BFSP2: variants seen among roughly 807,000 people sequenced by gnomAD.
BFSP2 encodes phakinin.
BFSP2 carries 38 observed loss-of-function variants against 44.9 expected under a neutral mutation model. That is an observed-to-expected ratio of 0.85 (90% CI 0.65 to 1.11). The LOEUF is 1.11. Among genes scored for constraint, BFSP2 ranks in the 50% least tolerant of loss-of-function variants. BFSP2 has a pLI of 0.00. For missense variants in BFSP2, 525 were observed against 533.0 expected (o/e 0.99, Z 0.15); for synonymous variants, 197 against 209.9 (o/e 0.94, Z 0.53).
chr3:133,452,870 T>C (rs905664084), intron 4 of BFSP2, among the ~76,000 whole-genome samples: 25 of 151,954 alleles, frequency 1.6e-4, no homozygotes, highest in Non-Finnish European at 2.4e-4. Context: ...CAGACTATTA[T>C]AATTATCAGA....
At chr3:133,453,076 G>A (rs1224302707) in intron 4 of BFSP2, among the ~76,000 whole-genome samples, 4 of 152,200 alleles carry the variant, frequency 2.6e-5, no homozygotes, top group African/African-American at 9.7e-5. Context: ...CTTGGCCAAT[G>A]CTGCCTGGGC....
chr3:133,463,588 T>A (rs765194557), intron 4 of BFSP2, among the ~76,000 whole-genome samples: 2 of 152,234 alleles, frequency 1.3e-5, no homozygotes, highest in Admixed American at 1.3e-4. Context: ...ATTCTTCTCT[T>A]ACCAGCTAAA....
intron 1 of BFSP2, among the ~76,000 whole-genome samples, chr3:133,428,098 A>G (rs2073670385): frequency 6.6e-6 from 1 of 152,198 alleles, no homozygotes; most frequent in African/African-American, 2.4e-5. Flanking sequence ...TCCACTCTCG[A>G]CAGACTAAAG....
intron 1 of BFSP2, chr3:133,429,355 G>C (rs992435180): frequency 6.6e-6 from 1 of 152,254 alleles, no homozygotes; most frequent in African/African-American, 2.4e-5. Flanking sequence ...CAAGATCAAA[G>C]TGTCAGCAGG....
rs1559987797 is a variant in BFSP2, at chr3:133,474,973, T to C, written c.*1T>C. ...CTCCTATGTGTTTCCTTTCAGCTGA[T>C]GGAGAAACTTCCTCTTTTTCATGAA... On this transcript the variant is annotated 3_prime_UTR_variant, in exon 7 of 7. Transcript: ENST00000302334. The C allele has an allele frequency of 1.2e-6, 2 of 1,614,204 alleles. No homozygotes were observed. The highest frequency in any genetic ancestry group is 1.7e-5 in the Admixed American group (1 of 60,030).
intron 1 of BFSP2, among the ~76,000 whole-genome samples, chr3:133,414,937 C>T (rs1337400264): frequency 5.1e-5 from 6 of 116,772 alleles, no homozygotes; most frequent in Non-Finnish European, 1.1e-4. Context: ...CTGCTCACCC[C>T]TCTACTCACC....
intron 1 of BFSP2, among the ~76,000 whole-genome samples, chr3:133,428,219 T>C (rs1277448036): frequency 6.6e-6 from 1 of 152,136 alleles, no homozygotes. Context: ...AGGGTTCTCT[T>C]GTGGGCCACG....
At chr3:133,472,647 G>A in intron 6 of BFSP2, 82 bp downstream of exon 6, 3 of 1,514,798 alleles carry the variant, frequency 2.0e-6, no homozygotes, top group Non-Finnish European at 2.7e-6. Context: ...CACTGTAGAA[G>A]TATTTAAGAA....
At chr3:133,452,763 C>A (rs986473228) in intron 4 of BFSP2, among the ~76,000 whole-genome samples, 2 of 152,190 alleles carry the variant, frequency 1.3e-5, no homozygotes, top group Non-Finnish European at 2.9e-5. Context: ...GCTTCTAAAG[C>A]TAAACCTCAG....
intron 1 of BFSP2, among the ~76,000 whole-genome samples, chr3:133,423,444 GTCA>G (rs1559963046): frequency 2.0e-5 from 3 of 151,656 alleles, no homozygotes; most frequent in Non-Finnish European, 4.4e-5. Context: ...AGTAATCTGC[GTCA>G]TCATTTATAG....
At chr3:133,418,378 G>A (rs935840070) in intron 1 of BFSP2, among the ~76,000 whole-genome samples, 1 of 152,092 alleles carries the variant, frequency 6.6e-6, no homozygotes. Flanking sequence ...GTTCATCTGC[G>A]CAATGAAGAT....
At chr3:133,449,831 A>G (rs2073939971) in intron 3 of BFSP2, among the ~76,000 whole-genome samples, 1 of 151,786 alleles carries the variant, frequency 6.6e-6, no homozygotes, top group African/African-American at 2.4e-5. Context: ...GGAGGCTGCA[A>G]TGAGCTGAGA....
At chr3:133,450,837 C>G (rs559205415) in intron 4 of BFSP2, among the ~76,000 whole-genome samples, 5 of 152,150 alleles carry the variant, frequency 3.3e-5, no homozygotes, top group Non-Finnish European at 5.9e-5. Flanking sequence ...TGAGGCCGGG[C>G]GTGGTAGCTC....
At chr3:133,472,643 A>C (rs2074175992) in intron 6 of BFSP2, 78 bp downstream of exon 6, 1 of 1,519,744 alleles carries the variant, frequency 6.6e-7, no homozygotes, top group East Asian at 2.4e-5. Flanking sequence ...CAAACACTGT[A>C]GAAGTATTTA....
intron 1 of BFSP2, among the ~76,000 whole-genome samples, chr3:133,437,511 G>A (rs112987084): frequency 4.3e-4 from 65 of 149,782 alleles, no homozygotes; most frequent in Non-Finnish European, 7.5e-4. Flanking sequence ...CAACAAGAGC[G>A]AAACTCAGTC....
chr3:133,454,056 T>C (rs1339844276), intron 4 of BFSP2, among the ~76,000 whole-genome samples: 1 of 152,228 alleles, frequency 6.6e-6, no homozygotes, highest in African/African-American at 2.4e-5. Context: ...CCTTGTCTAT[T>C]TGTTGTGGTT....
chr3:133,401,448 T>C (rs2073362029), intron 1 of BFSP2, among the ~76,000 whole-genome samples: 1 of 152,214 alleles, frequency 6.6e-6, no homozygotes, highest in Non-Finnish European at 1.5e-5. Flanking sequence ...AGCTAATGGC[T>C]ATCTTATTGG....
intron 1 of BFSP2, among the ~76,000 whole-genome samples, chr3:133,419,970 A>G (rs1004008212): frequency 6.6e-6 from 1 of 152,158 alleles, no homozygotes; most frequent in Non-Finnish European, 1.5e-5. Flanking sequence ...GGCATGAGGG[A>G]TTTCCACAGA....
At chr3:133,439,608 G>A (rs1034889579) in intron 1 of BFSP2, among the ~76,000 whole-genome samples, 1 of 152,258 alleles carries the variant, frequency 6.6e-6, no homozygotes, top group Non-Finnish European at 1.5e-5. Flanking sequence ...CCAGACAAAG[G>A]AAAGTAGGAG....
Sources: allele counts gnomAD v4.1 joint callset (sites outside exome capture counted in the v4.1 genomes callset), GRCh38; gene constraint gnomAD v4.1.1; transcripts MANE v1.5; gene names NCBI Gene and HGNC (gene_info 2026-07-23, HGNC 2026-07-21).